SEPTIN6: variants seen among roughly 807,000 people sequenced by gnomAD.
SEPTIN6 encodes septin-6.
A neutral mutation model predicts 33.6 loss-of-function variants in SEPTIN6; 8 were observed. That is an observed-to-expected ratio of 0.24 (90% CI 0.14 to 0.43). SEPTIN6 has a LOEUF of 0.43. Among genes scored for constraint, SEPTIN6 ranks in the 20% least tolerant of loss-of-function variants. The pLI is 1.00. For synonymous variants in SEPTIN6, 131 were observed against 140.0 expected (o/e 0.94, Z 0.45); for missense variants, 250 against 340.8 (o/e 0.73, Z 2.10).
chrX:119,637,876 G>C (rs1315365976), intron 6 of SEPTIN6, among the ~76,000 whole-genome samples: 3 of 112,480 alleles, frequency 2.7e-5, no homozygotes, highest in Non-Finnish European at 5.6e-5. Flanking sequence ...TTGCAATAAA[G>C]CTCAGAAGAG....
At chrX:119,688,853 G>A (rs1401990361) in intron 1 of SEPTIN6, among the ~76,000 whole-genome samples, 5 of 111,248 alleles carry the variant, frequency 4.5e-5, no homozygotes, top group South Asian at 3.8e-4. Flanking sequence ...ACTTTCTTCC[G>A]TGTTGTATCA....
intron 10 of SEPTIN6, among the ~76,000 whole-genome samples, chrX:119,620,479 C>T (rs1466203230): frequency 9.2e-6 from 1 of 109,164 alleles, no homozygotes; most frequent in Non-Finnish European, 1.9e-5. Context: ...CCGCCACACC[C>T]GGCTAATTTT....
chrX:119,623,200 C>T (rs182864811), intron 10 of SEPTIN6, among the ~76,000 whole-genome samples: 2 of 111,726 alleles, frequency 1.8e-5, no homozygotes, highest in East Asian at 5.6e-4. Context: ...ATTTTATATT[C>T]CCTGATCCAA....
chrX:119,661,425 C>T (rs903764812), intron 3 of SEPTIN6, among the ~76,000 whole-genome samples: 2 of 109,651 alleles, frequency 1.8e-5, no homozygotes, highest in Non-Finnish European at 3.8e-5. Context: ...AGCGAGACTC[C>T]GTCTCAAAAA....
At chrX:119,685,533 C>T (rs1165323142) in intron 1 of SEPTIN6, among the ~76,000 whole-genome samples, 1 of 111,619 alleles carries the variant, frequency 9.0e-6, no homozygotes, top group Non-Finnish European at 1.9e-5. Flanking sequence ...CCAGCCCTTT[C>T]GTTTCACAAA....
chrX:119,640,652 G>C, intron 6 of SEPTIN6, 40 bp downstream of exon 6: 1 of 1,025,002 alleles, frequency 9.8e-7, no homozygotes, highest in Non-Finnish European at 1.4e-6. Flanking sequence ...ACAGACAAAA[G>C]GGGCTTCCTG....
Position 119,617,585 on chromosome X carries a change from A to T in SEPTIN6, c.*2508T>A. ...TGTTTTTCTGTGGAAAAAAACCTCGAGGGTCTTCTAATACTAACTAGTCAG... is the reference window on the plus strand; with the variant it reads ...TGTTTTTCTGTGGAAAAAAACCTCGTGGGTCTTCTAATACTAACTAGTCAG... On this transcript the variant is annotated 3_prime_UTR_variant, in exon 11 of 11. Coordinates refer to ENST00000394610, the MANE Select transcript of SEPTIN6 (RefSeq NM_145799.4). 3.7e-6 allele frequency: 3 copies of T among 803,397 alleles called. No homozygotes were observed. Among genetic ancestry groups the T allele is most frequent in the Non-Finnish European group, 4.5e-6 (3 of 669,345 alleles). The allele number at this position is 803,397 out of a possible 1,213,427, so 66.2% of individuals were successfully genotyped here. A position where few individuals can be genotyped will look rare whatever the true frequency, so the allele number is the denominator to read the frequency against.
intron 4 of SEPTIN6, 103 bp from the exon 5 acceptor site, chrX:119,650,201 A>C: frequency 2.1e-5 from 17 of 814,890 alleles, no homozygotes; most frequent in Non-Finnish European, 3.0e-5. Flanking sequence ...CGCTCAGCCC[A>C]GTGGTCAAAG....
chrX:119,624,571 C>T (rs1397908800), intron 10 of SEPTIN6, among the ~76,000 whole-genome samples: 2 of 111,447 alleles, frequency 1.8e-5, no homozygotes, highest in East Asian at 5.6e-4. Context: ...AAGTGAGTTT[C>T]CATTGACTCT....
intron 5 of SEPTIN6, among the ~76,000 whole-genome samples, 163 bp from the exon 6 acceptor site, chrX:119,640,951 G>T (rs2054151377): frequency 8.9e-6 from 1 of 112,431 alleles, no homozygotes; most frequent in African/African-American, 3.2e-5. Flanking sequence ...AACCATGTGA[G>T]GATAAGAGGC....
chrX:119,687,412 G>A (rs781350017), intron 1 of SEPTIN6, among the ~76,000 whole-genome samples: 12 of 109,697 alleles, frequency 1.1e-4, no homozygotes, highest in Admixed American at 2.0e-4. Context: ...CACCACGCCC[G>A]GCTAATTTTT....
chrX:119,655,652 T>G (rs963778684), intron 3 of SEPTIN6, among the ~76,000 whole-genome samples: 2 of 110,961 alleles, frequency 1.8e-5, no homozygotes, highest in Non-Finnish European at 3.8e-5. Flanking sequence ...TCTCCTCATC[T>G]CCTCCATTTT....
At chrX:119,651,227 A>C (rs1363139379) in intron 4 of SEPTIN6, among the ~76,000 whole-genome samples, 1 of 111,737 alleles carries the variant, frequency 8.9e-6, no homozygotes, top group Non-Finnish European at 1.9e-5. Flanking sequence ...GGCTGATATC[A>C]CACAGCCGCT....
chrX:119,638,439 C>T (rs963588947), intron 6 of SEPTIN6, among the ~76,000 whole-genome samples: 6 of 111,468 alleles, frequency 5.4e-5, no homozygotes, highest in Non-Finnish European at 1.1e-4. Context: ...TTCACTGTGT[C>T]GGATGGTGGT....
At chrX:119,690,688 C>T (rs1384349196) in intron 1 of SEPTIN6, among the ~76,000 whole-genome samples, 1 of 94,961 alleles carries the variant, frequency 1.1e-5, no homozygotes, top group African/African-American at 4.0e-5. Flanking sequence ...ATGCCACTTG[C>T]ACTCCAGCCT....
Position 119,647,483 on chromosome X carries a change from C to CTTTTTTTTTTTTTTTTTTT in SEPTIN6, c.690+2453_690+2454insAAAAAAAAAAAAAAAAAAA, listed in dbSNP as rs61037430. Among the ~76,000 whole-genome samples, 12 of 74,407 alleles carry CTTTTTTTTTTTTTTTTTTT rather than the reference C, an allele frequency of 1.6e-4. 1 individual carries two copies. Among genetic ancestry groups the CTTTTTTTTTTTTTTTTTTT allele is most frequent in the African/African-American group, 2.5e-4 (4 of 16,313 alleles). The allele number at this position is 74,407 out of a possible 115,157, so 64.6% of individuals were successfully genotyped here. On this transcript the variant is annotated intron_variant, in intron 5 of 10. Transcript: ENST00000394610. ...TTTCTTTCCTTTCCTTTCTCTCTCT[C>CTTTTTTTTTTTTTTTTTTT]TTTTTTTTTTTTTGTGAGACAGGGT...
intron 1 of SEPTIN6, among the ~76,000 whole-genome samples, chrX:119,692,801 T>C (rs1026715752): frequency 1.3e-4 from 15 of 111,927 alleles, no homozygotes; most frequent in African/African-American, 4.9e-4. Context: ...AGGGAGGCGG[T>C]GGCGCTCACT....
At chrX:119,683,223 A>T (rs1008357755) in intron 1 of SEPTIN6, among the ~76,000 whole-genome samples, 2 of 112,615 alleles carry the variant, frequency 1.8e-5, no homozygotes, top group African/African-American at 6.5e-5. Flanking sequence ...ACTGCACTCC[A>T]GTCTGGGCAA....
Position 119,644,285 on chromosome X carries a change from AAG to A in SEPTIN6, c.691-3499_691-3498del, listed in dbSNP as rs549468349. 6.4e-4 allele frequency among the ~76,000 whole-genome samples: 71 copies of A among 111,525 alleles called. No homozygotes were observed. In the South Asian group the frequency reaches 0.025, roughly 40 times the overall value. ...TTTCCCAGTGTCAGAAAACTCCAAC[AAG>A]AGATAGTCGCAAGCCTTCCTTGGGA... On this transcript the variant is annotated intron_variant, in intron 5 of 10. Coordinates refer to ENST00000394610, the MANE Select transcript of SEPTIN6 (RefSeq NM_145799.4).
Sources: gnomAD v4.1 joint callset for allele counts (sites outside exome capture counted in the v4.1 genomes callset) on GRCh38, gnomAD v4.1.1 for gene constraint, MANE v1.5 for transcripts, NCBI Gene and HGNC (gene_info 2026-07-23, HGNC 2026-07-21) for gene names.